Variants in DIP2C observed in about 807,000 individuals in gnomAD.
DIP2C encodes DIP2 acetate--CoA ligase C (putative), also known as disco-interacting protein 2 homolog C.
Under a neutral mutation model 192.4 loss-of-function variants are expected in DIP2C, and 33 were observed. The observed-to-expected ratio is 0.17, with a 90% CI of 0.13 to 0.23. DIP2C has a LOEUF of 0.23. Ranked by LOEUF, DIP2C falls within the 10% of genes least tolerant of loss-of-function variation. DIP2C has a pLI of 1.00. For missense variants in DIP2C, 1,537 were observed against 2,110.1 expected (o/e 0.73, Z 5.32); for synonymous variants, 979 against 864.1 (o/e 1.13, Z -2.33).
intron 28 of DIP2C, among the ~76,000 whole-genome samples, chr10:343,203 C>T (rs565962186): frequency 9.2e-5 from 14 of 152,310 alleles, no homozygotes; most frequent in Middle Eastern, 3.4e-3. Flanking sequence ...GCAGGAGAAT[C>T]GCTTGAACCA....
chr10:607,051 C>A (rs1328686577), intron 1 of DIP2C, among the ~76,000 whole-genome samples: 1 of 152,186 alleles, frequency 6.6e-6, no homozygotes, highest in African/African-American at 2.4e-5. Context: ...GTCCCGTGGC[C>A]CTTAACGTCC....
chr10:524,060 CCGCCCTCAGTTCTCA>C (rs1276992367), intron 1 of DIP2C, among the ~76,000 whole-genome samples: 11 of 152,110 alleles, frequency 7.2e-5, no homozygotes, highest in Admixed American at 3.9e-4. Context: ...GTTCCACCTC[CCGCCCTCAGTTCTCA>C]CGCCCAGCCG....
chr10:611,985 CTATT>C (rs1337572189), intron 1 of DIP2C, among the ~76,000 whole-genome samples: 1 of 25,460 alleles, frequency 3.9e-5, no homozygotes, highest in Non-Finnish European at 8.9e-4. Context: ...TTTAAGGGAT[CTATT>C]ATAGTTAAAA....
At chr10:369,672 A>T in intron 17 of DIP2C, 39 bp from the exon 18 acceptor site, 1 of 1,613,970 alleles carries the variant, frequency 6.2e-7, no homozygotes, top group Non-Finnish European at 8.5e-7. Context: ...GCAGGAGCAG[A>T]TAAGCCATCA....
intron 32 of DIP2C, among the ~76,000 whole-genome samples, chr10:302,193 GACTT>G (rs950975819): frequency 2.6e-5 from 4 of 152,214 alleles, no homozygotes; most frequent in East Asian, 1.9e-4. Context: ...ATTGTACTGA[GACTT>G]ACAGCTGGCC....
intron 1 of DIP2C, among the ~76,000 whole-genome samples, chr10:555,415 G>A (rs10904498): frequency 0.08 from 12,197 of 152,222 alleles, 616 homozygotes; most frequent in East Asian, 0.18. Context: ...GTAAGGACAC[G>A]CTGGCTACTA....
intron 1 of DIP2C, among the ~76,000 whole-genome samples, chr10:600,670 G>A (rs1852009991): frequency 6.6e-6 from 1 of 152,192 alleles, no homozygotes; most frequent in African/African-American, 2.4e-5. Flanking sequence ...ATGGCCCAGG[G>A]TGTGTGGATA....
chr10:359,019 A>G (rs952960922), intron 22 of DIP2C, among the ~76,000 whole-genome samples: 2 of 152,196 alleles, frequency 1.3e-5, no homozygotes, highest in African/African-American at 4.8e-5. Context: ...GCCAGGCCAC[A>G]TGCTGCATTA....
chr10:439,345 T>C (rs1967535070), intron 4 of DIP2C, among the ~76,000 whole-genome samples: 1 of 151,564 alleles, frequency 6.6e-6, no homozygotes, highest in African/African-American at 2.4e-5. Context: ...CCCACTGGCA[T>C]TTGCTAGCAC....
At chr10:519,997 T>G (rs1846596095) in intron 1 of DIP2C, among the ~76,000 whole-genome samples, 1 of 152,146 alleles carries the variant, frequency 6.6e-6, no homozygotes, top group Non-Finnish European at 1.5e-5. Context: ...GAAGCTCCAC[T>G]CGGAGTAACA....
intron 9 of DIP2C, among the ~76,000 whole-genome samples, chr10:405,464 A>G (rs1564669046): frequency 6.6e-6 from 1 of 152,254 alleles, no homozygotes; most frequent in African/African-American, 2.4e-5. Flanking sequence ...AGAAAAGGGT[A>G]AAATACTTAA....
At chr10:456,311 A>C (rs1969289751) in intron 3 of DIP2C, among the ~76,000 whole-genome samples, 1 of 127,170 alleles carries the variant, frequency 7.9e-6, no homozygotes, top group Admixed American at 7.4e-5. Flanking sequence ...GGAGTAAATG[A>C]GATGAAAACA....
intron 1 of DIP2C, among the ~76,000 whole-genome samples, chr10:617,959 C>T (rs920736997): frequency 1.3e-5 from 2 of 152,048 alleles, no homozygotes; most frequent in South Asian, 2.1e-4. Flanking sequence ...TTTAGGAATC[C>T]TGCTTGCTTG....
At chr10:346,250 G>A (rs1338145715) in intron 26 of DIP2C, among the ~76,000 whole-genome samples, 1 of 18,790 alleles carries the variant, frequency 5.3e-5, no homozygotes, top group Non-Finnish European at 1.0e-4. Flanking sequence ...TAGTTCTCCT[G>A]GAAACGTCAC....
intron 2 of DIP2C, among the ~76,000 whole-genome samples, chr10:483,207 T>C (rs773187936): frequency 4.8e-4 from 73 of 152,074 alleles, no homozygotes; most frequent in Non-Finnish European, 1.9e-4. Flanking sequence ...TCTGGAGGAA[T>C]AGGAATGTAA....
chr10:538,980 C>T (rs1238736079), intron 1 of DIP2C, among the ~76,000 whole-genome samples: 3 of 148,638 alleles, frequency 2.0e-5, no homozygotes, highest in Admixed American at 1.3e-4. Flanking sequence ...TGTGAATCTG[C>T]TGTATGACCT....
At chr10:492,931 A>G (rs1310862089) in intron 1 of DIP2C, among the ~76,000 whole-genome samples, 1 of 152,216 alleles carries the variant, frequency 6.6e-6, no homozygotes, top group Non-Finnish European at 1.5e-5. Context: ...TCTGATGTTA[A>G]AAGAGAATAA....
rs1845464140 is a variant in DIP2C, at chr10:504,680, TTC to T, written c.86-18152_86-18151del. Among the ~76,000 whole-genome samples the T allele has an allele frequency of 2.0e-5, 3 of 152,242 alleles. 1 individual carries two copies. Among genetic ancestry groups the T allele is most frequent in the South Asian group, 4.1e-4 (2 of 4,832 alleles). On this transcript the variant is annotated intron_variant, in intron 1 of 36. Coordinates refer to ENST00000280886, the MANE Select transcript of DIP2C (RefSeq NM_014974.3). ...ATGAGACGCTTCCCGTGTTCCCATGTTCTGTCACTTTAACACTAAAAATTTAG... is the reference window on the plus strand; with the variant it reads ...ATGAGACGCTTCCCGTGTTCCCATGTTGTCACTTTAACACTAAAAATTTAG...
At chr10:669,701 C>G (rs1335020023) in intron 1 of DIP2C, 1 of 152,192 alleles carries the variant, frequency 6.6e-6, no homozygotes, top group Non-Finnish European at 1.5e-5. Flanking sequence ...GTGGCACCAG[C>G]TAGGGTAAGA....
Sources: gnomAD v4.1 joint callset for allele counts (sites outside exome capture counted in the v4.1 genomes callset) on GRCh38, gnomAD v4.1.1 for gene constraint, MANE v1.5 for transcripts, NCBI Gene and HGNC (gene_info 2026-07-23, HGNC 2026-07-21) for gene names.